Variants in CLIP1 observed in about 807,000 individuals in gnomAD.
The protein encoded by CLIP1 is CAP-Gly domain-containing linker protein 1.
Under a neutral mutation model 161.6 loss-of-function variants are expected in CLIP1, and 66 were observed. The ratio of observed to expected loss-of-function variants is 0.41; its 90% CI spans 0.33 to 0.50. The LOEUF is 0.50. Among genes scored for constraint, CLIP1 ranks in the 20% least tolerant of loss-of-function variants. CLIP1 has a pLI of 0.27. For synonymous variants in CLIP1, 598 were observed against 626.2 expected, an observed-to-expected ratio of 0.96 and a Z score of 0.67; for missense variants, 1,376 against 1,702.0, an observed-to-expected ratio of 0.81 and a Z score of 3.37.
intron 3 of CLIP1, among the ~76,000 whole-genome samples, chr12:122,366,306 C>A (rs79209902): frequency 2.7e-4 from 38 of 139,332 alleles, no homozygotes; most frequent in Admixed American, 3.6e-4. Flanking sequence ...GACTCTGTCT[C>A]AAAAAAAAAA....
intron 20 of CLIP1, among the ~76,000 whole-genome samples, chr12:122,299,322 G>C (rs1044119922): frequency 1.3e-5 from 2 of 151,994 alleles, no homozygotes; most frequent in African/African-American, 4.8e-5. Context: ...GAGGATTCTA[G>C]AGAAGTCTAG....
chr12:122,318,327 G>A (rs1021164137), intron 18 of CLIP1, among the ~76,000 whole-genome samples: 1 of 152,222 alleles, frequency 6.6e-6, no homozygotes, highest in Admixed American at 6.5e-5. Flanking sequence ...GAGGTCAGGA[G>A]TTCCAGAACA....
chr12:122,383,206 G>A (rs745508657), intron 1 of CLIP1, among the ~76,000 whole-genome samples: 1 of 152,168 alleles, frequency 6.6e-6, no homozygotes, highest in East Asian at 1.9e-4. Context: ...GAGAACAGAC[G>A]GAGCAGGCAC....
chr12:122,356,391 GTCCTT>G (rs1953363071), intron 5 of CLIP1, among the ~76,000 whole-genome samples: 1 of 152,186 alleles, frequency 6.6e-6, no homozygotes, highest in African/African-American at 2.4e-5. Flanking sequence ...TTGTCCTACA[GTCCTT>G]TCAATAACAT....
intron 4 of CLIP1, among the ~76,000 whole-genome samples, chr12:122,361,602 C>T (rs1458166571): frequency 1.3e-5 from 2 of 152,238 alleles, no homozygotes; most frequent in African/African-American, 4.8e-5. Context: ...CGTGGTGGCT[C>T]ACGCCTGTAA....
At chr12:122,281,723 A>G (rs1955656014) in intron 21 of CLIP1, among the ~76,000 whole-genome samples, 1 of 151,996 alleles carries the variant, frequency 6.6e-6, no homozygotes, top group Non-Finnish European at 1.5e-5. Context: ...GAAAAAAAAA[A>G]TCCTGGGTTT....
intron 1 of CLIP1, among the ~76,000 whole-genome samples, chr12:122,403,021 G>GAAGCAGAAAAC (rs1461986544): frequency 2.7e-4 from 41 of 152,184 alleles, no homozygotes; most frequent in African/African-American, 9.2e-4. Flanking sequence ...ATACATACTG[G>GAAGCAGAAAAC]AAGCAGAAAA....
Position 122,279,028 on chromosome 12 carries a change from C to G in CLIP1, c.3765G>C (p.Glu1255Asp). Residue 1255 changes from glutamate to aspartate, a missense_variant and splice_region_variant, in exon 22 of 26, where the codon GAG becomes GAC. By Grantham distance (45) the Glu-to-Asp change is conservative. This residue lies in a region of CLIP1 where 948 missense variants were observed against 1,134.8 expected (regional missense o/e 0.84). Coordinates refer to ENST00000620786, the MANE Select transcript of CLIP1 (RefSeq NM_001247997.2). The surrounding 1 kb of genome is among the most constrained non-coding windows in gnomAD (Gnocchi z 4.5). ...TCGTGCACCCTGGGTGGTACTCTAC[C>G]TCATTTCTCAGTTTCTCCAGCTCGG... ...KDAELEKLRN[E>D]VTVLRGENAS... The G allele has an allele frequency of 6.2e-7, 1 of 1,611,508 alleles. No homozygotes were observed. The highest frequency in any genetic ancestry group is 2.2e-5 in the East Asian group (1 of 44,850).
chr12:122,349,807 GAA>G, intron 9 of CLIP1, among the ~76,000 whole-genome samples: 1 of 152,346 alleles, frequency 6.6e-6, no homozygotes, highest in South Asian at 2.1e-4. Flanking sequence ...CGGAAGGAGA[GAA>G]GAGACCCAGA....
intron 8 of CLIP1, among the ~76,000 whole-genome samples, 174 bp from the exon 9 acceptor site, chr12:122,351,317 G>T (rs1462034219): frequency 6.6e-6 from 1 of 152,108 alleles, no homozygotes; most frequent in Non-Finnish European, 1.5e-5. Context: ...CCCTCCTGAA[G>T]ACACCATGGG....
rs1395404815 is a variant in CLIP1 at position 122,355,725 on chromosome 12, T to C, written c.1006-413A>G. ...ACCTCCTGGATTCAAGTGATTCTCC[T>C]GCTTCAGCCTCCCAAGTAGCTGGGA... On this transcript the variant is annotated intron_variant, in intron 5 of 25. Coordinates refer to ENST00000620786, the MANE Select transcript of CLIP1 (RefSeq NM_001247997.2). This position sits in a 1 kb window ranked among gnomAD's most constrained non-coding sequence, Gnocchi z 4.1. 5.7e-6 allele frequency: 1 copy of C among 176,820 alleles called. No individual in the cohort carries two copies. The highest frequency in any genetic ancestry group is 6.1e-5 in the Admixed American group (1 of 16,318). The allele number at this position is 176,820 out of a possible 1,614,324, so 11.0% of individuals were successfully genotyped here.
At chr12:122,286,973 G>A (rs553089935) in intron 21 of CLIP1, among the ~76,000 whole-genome samples, 11 of 152,200 alleles carry the variant, frequency 7.2e-5, no homozygotes, top group Non-Finnish European at 1.6e-4. Context: ...ACTCCAGCCT[G>A]GGCGACAGAG....
intron 11 of CLIP1, among the ~76,000 whole-genome samples, chr12:122,339,817 A>C (rs559882035): frequency 5.3e-5 from 8 of 152,312 alleles, no homozygotes; most frequent in Non-Finnish European, 7.4e-5. Flanking sequence ...AGTCTACTAC[A>C]CACCTGGGCT....
intron 3 of CLIP1, 84 bp from the exon 4 acceptor site, chr12:122,364,191 T>TA: frequency 6.7e-7 from 1 of 1,488,068 alleles, no homozygotes; most frequent in Admixed American, 1.8e-5. Context: ...AACTAGGTAC[T>TA]ACATTCCATC....
At chr12:122,291,783 T>C (rs370285347) in intron 20 of CLIP1, among the ~76,000 whole-genome samples, 1 of 152,224 alleles carries the variant, frequency 6.6e-6, no homozygotes, top group East Asian at 1.9e-4. Flanking sequence ...TTGTAATTAA[T>C]ATGTATTTTT....
chr12:122,389,518 G>C (rs1347540026), intron 1 of CLIP1, among the ~76,000 whole-genome samples: 1 of 152,090 alleles, frequency 6.6e-6, no homozygotes, highest in African/African-American at 2.4e-5. Flanking sequence ...CAGCACTTTG[G>C]GAGGCCAAAG....
At chr12:122,313,446 G>A (rs139951341) in intron 19 of CLIP1, among the ~76,000 whole-genome samples, 2 of 152,306 alleles carry the variant, frequency 1.3e-5, no homozygotes, top group Non-Finnish European at 2.9e-5. Flanking sequence ...ATGTCACCTG[G>A]CCGGGCGTGG....
chr12:122,355,372 G>T lies in CLIP1; in HGVS notation c.1006-60C>A. 2 of 1,473,400 alleles carry T rather than the reference G, an allele frequency of 1.4e-6. No homozygotes were observed. The highest frequency in any genetic ancestry group is 1.9e-6 in the Non-Finnish European group (2 of 1,062,932). 91.3% of individuals were successfully genotyped at this position (1,473,400 alleles called of 1,614,324 possible). A position where few individuals can be genotyped will look rare whatever the true frequency, so the allele number is the denominator to read the frequency against. On this transcript the variant is annotated intron_variant, in intron 5 of 25. Coordinates refer to ENST00000620786, the MANE Select transcript of CLIP1 (RefSeq NM_001247997.2). The surrounding 1 kb of genome is among the most constrained non-coding windows in gnomAD (Gnocchi z 4.1). ...ATGCTGTCAGAAAAGCGAGGGAGGC[G>T]CGATGCATGCATGGCGGGCATCTGC... is the stretch of plus-strand genomic sequence containing the variant.
intron 3 of CLIP1, among the ~76,000 whole-genome samples, chr12:122,368,830 T>G (rs1593179982): frequency 6.6e-6 from 1 of 151,284 alleles, no homozygotes; most frequent in African/African-American, 2.4e-5. Context: ...ACTCGGGAGG[T>G]TGAGGCGGGA....
Sources: allele counts gnomAD v4.1 joint callset (sites outside exome capture counted in the v4.1 genomes callset), GRCh38; gene constraint gnomAD v4.1.1; regional missense constraint gnomAD v4.1.1; non-coding constraint Gnocchi (gnomAD v3.1); transcripts MANE v1.5; gene names NCBI Gene and HGNC (gene_info 2026-07-23, HGNC 2026-07-21).